The following USP8 variants were observed in gnomAD, a reference collection of about 807,000 sequenced individuals.
USP8 encodes ubiquitin specific peptidase 8.
A neutral mutation model predicts 130.0 loss-of-function variants in USP8; 27 were observed. That is an observed-to-expected ratio of 0.21 (90% CI 0.15 to 0.29). The LOEUF (loss-of-function observed/expected upper bound fraction) is 0.29, where lower values mean the gene tolerates loss of function less well. Ranked by LOEUF, USP8 falls within the 10% of genes least tolerant of loss-of-function variation. The probability of loss-of-function intolerance (pLI) is 1.00; values close to 1 mark genes in which losing one functional copy is unlikely to be tolerated. For synonymous variants in USP8, 392 were observed against 444.1 expected, an observed-to-expected ratio of 0.88 and a Z score of 1.48; for missense variants, 1,029 against 1,312.2, an observed-to-expected ratio of 0.78 and a Z score of 3.33.
rs191879222 is a variant in USP8, at chr15:50,499,413, T to C, written c.*325T>C. Reference sequence around the variant, plus strand: ...CTTTTTTTTTTCCTTTTCACTGTTATGGCCTTTTCACATTTCTAAATCCCA... The same window carrying C: ...CTTTTTTTTTTCCTTTTCACTGTTACGGCCTTTTCACATTTCTAAATCCCA... On this transcript the variant is annotated 3_prime_UTR_variant, in exon 20 of 20. Transcript: ENST00000307179. 58 of 181,646 alleles carry C rather than the reference T, an allele frequency of 3.2e-4. No individual in the cohort carries two copies. In the East Asian group the frequency reaches 5.5e-3, roughly 17 times the overall value. 11.3% of individuals were successfully genotyped at this position (181,646 alleles called of 1,614,324 possible).
At position 50,498,957 on chromosome 15, in the gene USP8, G is replaced by T; in HGVS notation, c.3226G>T (p.Ala1076Ser). 1 of 1,613,936 alleles carries T rather than the reference G, an allele frequency of 6.2e-7. No individual in the cohort carries two copies. Among genetic ancestry groups the T allele is most frequent in the Non-Finnish European group, 8.5e-7 (1 of 1,179,860 alleles). ...CTACACAGCCTATTGTAAAAATGCAGCAAGACAACGGTGGTTTAAGTTTGA... is the reference window on the plus strand; with the variant it reads ...CTACACAGCCTATTGTAAAAATGCATCAAGACAACGGTGGTTTAAGTTTGA... ...GHYTAYCKNA[A>S]RQRWFKFDDH... is the part of the protein sequence containing the mutation. The change falls in exon 20 of 20, where the codon GCA (alanine) becomes TCA (serine). Residue 1076 changes from alanine to serine, a missense_variant. Around this residue, in one of 4 missense-constraint regions of USP8, gnomAD observed 257 missense variants for 429.8 expected, o/e 0.60. Coordinates refer to ENST00000307179, the MANE Select transcript of USP8 (RefSeq NM_005154.5).
chr15:50,436,895 C>G (rs556262853), intron 1 of USP8, among the ~76,000 whole-genome samples: 1 of 152,262 alleles, frequency 6.6e-6, no homozygotes, highest in South Asian at 2.1e-4. Context: ...GACTTGAACT[C>G]ATGACCTCAA....
At chr15:50,455,505 C>G (rs977768626) in intron 4 of USP8, among the ~76,000 whole-genome samples, 5 of 152,220 alleles carry the variant, frequency 3.3e-5, no homozygotes, top group East Asian at 1.9e-4. Context: ...AACAGCTGCT[C>G]TAAAATCTTT....
rs146587609 is a variant in USP8 at position 50,488,252 on chromosome 15, A to G, written c.1891-1549A>G. Among the ~76,000 whole-genome samples the G allele has an allele frequency of 3.3e-3, 496 of 152,274 alleles. 3 individuals carry two copies. The highest frequency in any genetic ancestry group is 0.012 in the African/African-American group (482 of 41,552). ...TTCAGTTTTGGTGCTTAGATCTATG[A>G]TCCATTTCAAGTTAATTTTTATATA... On this transcript the variant is annotated intron_variant, in intron 12 of 19. Coordinates refer to ENST00000307179, the MANE Select transcript of USP8 (RefSeq NM_005154.5).
intron 11 of USP8, 37 bp downstream of exon 11, chr15:50,482,102 A>G: frequency 6.9e-7 from 1 of 1,458,114 alleles, no homozygotes. Context: ...ACGAAGTGAA[A>G]GAAAATGTAT....
chr15:50,438,445 G>A (rs546639086), intron 1 of USP8, among the ~76,000 whole-genome samples: 53 of 152,322 alleles, frequency 3.5e-4, no homozygotes, highest in Admixed American at 2.6e-3. Context: ...CTAGCTGGGG[G>A]CATGGTGGCG....
chr15:50,489,935 A>T (rs1483729123), intron 13 of USP8, 54 bp downstream of exon 13: 1 of 1,409,194 alleles, frequency 7.1e-7, no homozygotes, highest in Non-Finnish European at 9.7e-7. Flanking sequence ...AAAATGTTTT[A>T]TTTGTTTATT....
chr15:50,444,883 G>C (rs1334936364), intron 3 of USP8, among the ~76,000 whole-genome samples: 1 of 152,038 alleles, frequency 6.6e-6, no homozygotes, highest in Non-Finnish European at 1.5e-5. Flanking sequence ...TCAGCCTCCA[G>C]AGTAGCTGGG....
rs1293651757 is a variant in USP8, at chr15:50,481,648, GGC to G, written c.1387_1388del (p.Ala463SerfsTer47). 40 of 1,613,396 alleles carry G rather than the reference GGC, an allele frequency of 2.5e-5. No homozygotes were observed. The highest frequency in any genetic ancestry group is 3.3e-5 in the Non-Finnish European group (39 of 1,179,886). On this transcript the variant is annotated frameshift_variant, in exon 11 of 20. Coordinates refer to ENST00000307179, the MANE Select transcript of USP8 (RefSeq NM_005154.5). LOFTEE classifies it high-confidence loss of function. ...CTCTCATGTTAACAGATGAAGAAAAGGCTCGTATTCATGCAGAAACTGCTCTT... is the reference window on the plus strand; with the variant it reads ...CTCTCATGTTAACAGATGAAGAAAAGTCGTATTCATGCAGAAACTGCTCTT... ...PTLMLTDEEK[A>X]RIHAETALLM...
intron 1 of USP8, among the ~76,000 whole-genome samples, chr15:50,435,886 G>C (rs911796870): frequency 6.6e-6 from 1 of 152,068 alleles, no homozygotes; most frequent in Admixed American, 6.6e-5. Context: ...TCTTATCCCT[G>C]TACTTTCCCT....
rs1024590206 is a variant in USP8 at position 50,511,182 on chromosome 15, C to T, written c.*12094C>T. On this transcript the variant is annotated 3_prime_UTR_variant, in exon 20 of 20. Transcript: ENST00000307179. ...GAGCACTTGAAAAGATGCTCAACAT[C>T]ATTAGTCATTAGGAAAATGCAACTC... The T allele has an allele frequency of 5.3e-5, 8 of 152,172 alleles. No homozygotes were observed. The highest frequency in any genetic ancestry group is 1.3e-4 in the Admixed American group (2 of 15,280). 9.4% of individuals were successfully genotyped at this position (152,172 alleles called of 1,614,324 possible).
In USP8 at chr15:50,506,106, A is replaced by G. The variant is rs1391184569; in HGVS notation, c.*7018A>G. ...GCTGTCGTTTTTTAGCATAATTACT[A>G]AAGAATCAAAATGTGTAACTTCCAA... On this transcript the variant is annotated 3_prime_UTR_variant, in exon 20 of 20. Transcript: ENST00000307179. 1.3e-5 allele frequency: 2 copies of G among 152,198 alleles called. No individual in the cohort carries two copies. Among genetic ancestry groups the G allele is most frequent in the African/African-American group, 2.4e-5 (1 of 41,448 alleles). 9.4% of individuals were successfully genotyped at this position (152,198 alleles called of 1,614,324 possible).
In USP8 at chr15:50,499,163, T is replaced by C. The variant is rs1168439938; in HGVS notation, c.*75T>C. On this transcript the variant is annotated 3_prime_UTR_variant, in exon 20 of 20. Coordinates refer to ENST00000307179, the MANE Select transcript of USP8 (RefSeq NM_005154.5). The stretch of plus-strand genomic sequence containing the variant: ...ACTCTTGAAATGCTTATCAGGATAA[T>C]GGTAGCTATAGCTGGCCATTTAGAG... The C allele has an allele frequency of 7.0e-7, 1 of 1,431,410 alleles. No individual in the cohort carries two copies. Among genetic ancestry groups the C allele is most frequent in the African/African-American group, 1.4e-5 (1 of 70,024 alleles). 88.7% of individuals were successfully genotyped at this position (1,431,410 alleles called of 1,614,324 possible).
rs2052690733 is a variant in USP8, at chr15:50,508,231, G to A, written c.*9143G>A. 3 of 151,936 alleles carry A rather than the reference G, an allele frequency of 2.0e-5. No individual in the cohort carries two copies. In the South Asian group the frequency reaches 6.2e-4, roughly 32 times the overall value. The allele number at this position is 151,936 out of a possible 1,614,324, so 9.4% of individuals were successfully genotyped here. On this transcript the variant is annotated 3_prime_UTR_variant, in exon 20 of 20. Transcript: ENST00000307179. ...GTAACTTTATAAATAAATTATAAAA[G>A]TAAAACACTTAGAAGTAAATAGTAA...
At chr15:50,454,536 G>C (rs1169885713) in intron 4 of USP8, among the ~76,000 whole-genome samples, 3 of 148,904 alleles carry the variant, frequency 2.0e-5, no homozygotes, top group Non-Finnish European at 4.4e-5. Context: ...GCTTGCTGCA[G>C]CCTCCACCTC....
At chr15:50,484,443 A>T in intron 12 of USP8, 82 bp downstream of exon 12, 2 of 1,106,618 alleles carry the variant, frequency 1.8e-6, no homozygotes, top group Non-Finnish European at 2.7e-6. Context: ...CCACACTGCT[A>T]TCTTTTATCA....
chr15:50,464,848 T>G (rs2051131043), intron 6 of USP8, among the ~76,000 whole-genome samples, 199 bp from the exon 7 acceptor site: 2 of 152,178 alleles, frequency 1.3e-5, no homozygotes, highest in Admixed American at 6.5e-5. Context: ...AACGAGACCC[T>G]GTCTCAAGAA....
In USP8 at chr15:50,463,152, G is replaced by A. The variant is rs141685777; in HGVS notation, c.541+830G>A. Reference sequence around the variant, plus strand: ...TAGTCCCATCTGCTCAGGAGGTTGAGGTGGGAGAATTGTTCGAGCCCGGGA... The same window carrying A: ...TAGTCCCATCTGCTCAGGAGGTTGAAGTGGGAGAATTGTTCGAGCCCGGGA... On this transcript the variant is annotated intron_variant, in intron 6 of 19. Coordinates refer to ENST00000307179, the MANE Select transcript of USP8 (RefSeq NM_005154.5). Among the ~76,000 whole-genome samples, 334 of 152,230 alleles carry A rather than the reference G, an allele frequency of 2.2e-3. 3 individuals are homozygous for A. Among genetic ancestry groups the A allele is most frequent in the African/African-American group, 7.9e-3 (327 of 41,536 alleles).
At chr15:50,440,424 A>C (rs1171536458) in intron 2 of USP8, among the ~76,000 whole-genome samples, 4 of 152,326 alleles carry the variant, frequency 2.6e-5, no homozygotes, top group Non-Finnish European at 1.5e-5. Flanking sequence ...TATCAAGATC[A>C]GTGGTCCCCA....
Sources: allele counts gnomAD v4.1 joint callset (sites outside exome capture counted in the v4.1 genomes callset), GRCh38; gene constraint gnomAD v4.1.1; regional missense constraint gnomAD v4.1.1; transcripts MANE v1.5; gene names NCBI Gene and HGNC (gene_info 2026-07-23, HGNC 2026-07-21).